GARRE1: variants seen among roughly 807,000 people sequenced by gnomAD.
GARRE1 encodes granule associated Rac and RHOG effector protein 1.
A neutral mutation model predicts 103.2 loss-of-function variants in GARRE1; 49 were observed. The observed-to-expected ratio is 0.47, with a 90% CI of 0.38 to 0.60. GARRE1 has a LOEUF of 0.60. GARRE1 is among the 20% of genes least tolerant of loss of function. The pLI is 0.00. For missense variants in GARRE1, 1,199 were observed against 1,370.5 expected (o/e 0.87, Z 1.98); for synonymous variants, 505 against 532.8 (o/e 0.95, Z 0.72).
chr19:34,339,376 C>T (rs1201909477), intron 8 of GARRE1, among the ~76,000 whole-genome samples: 2 of 152,192 alleles, frequency 1.3e-5, no homozygotes, highest in Non-Finnish European at 2.9e-5. Flanking sequence ...ATAGCAGATA[C>T]AGATTAACAG....
chr19:34,268,955 C>T (rs933678094), intron 1 of GARRE1, among the ~76,000 whole-genome samples: 1 of 152,200 alleles, frequency 6.6e-6, no homozygotes, highest in Non-Finnish European at 1.5e-5. Context: ...AGCCACCCCT[C>T]AAATGAAACA....
chr19:34,311,801 G>T (rs970967038), intron 2 of GARRE1, among the ~76,000 whole-genome samples: 1 of 151,748 alleles, frequency 6.6e-6, no homozygotes, highest in Middle Eastern at 3.4e-3. Flanking sequence ...AGTAGAGATG[G>T]GGTTTCACCA....
At chr19:34,338,730 T>A (rs1408139083) in intron 8 of GARRE1, among the ~76,000 whole-genome samples, 1 of 151,860 alleles carries the variant, frequency 6.6e-6, no homozygotes, top group Non-Finnish European at 1.5e-5. Flanking sequence ...TGGGACAAGG[T>A]TGAGGGGCTG....
chr19:34,265,686 C>T (rs1252290903), intron 1 of GARRE1: 1 of 152,102 alleles, frequency 6.6e-6, no homozygotes, highest in Admixed American at 6.6e-5. Flanking sequence ...AGTTTGTTTT[C>T]GACTAGTAGA....
intron 1 of GARRE1, among the ~76,000 whole-genome samples, chr19:34,259,974 T>C (rs932906248): frequency 6.6e-6 from 1 of 152,246 alleles, no homozygotes; most frequent in African/African-American, 2.4e-5. Flanking sequence ...TTGCTTCCCC[T>C]TCTGCCATGA....
At chr19:34,309,952 A>G (rs1193321652) in intron 2 of GARRE1, among the ~76,000 whole-genome samples, 1 of 152,202 alleles carries the variant, frequency 6.6e-6, no homozygotes, top group African/African-American at 2.4e-5. Context: ...ATGGGAACAG[A>G]GAAAAGACCG....
intron 1 of GARRE1, among the ~76,000 whole-genome samples, chr19:34,268,618 A>G (rs1161515052): frequency 5.3e-5 from 8 of 152,116 alleles, no homozygotes; most frequent in Non-Finnish European, 8.8e-5. Flanking sequence ...CATCAGGACC[A>G]AGTAATACTG....
In GARRE1 at chr19:34,300,987, C is replaced by A; in HGVS notation, c.495+19C>A. On this transcript the variant is annotated intron_variant, in intron 2 of 13. Transcript: ENST00000299505. ...CATTGAGGTAGAGTATCTTTTGTGTCATACTTGTGTAGGAAAATATACTAC... is the reference window on the plus strand; with the variant it reads ...CATTGAGGTAGAGTATCTTTTGTGTAATACTTGTGTAGGAAAATATACTAC... 2 of 1,580,966 alleles carry A rather than the reference C, an allele frequency of 1.3e-6. No individual in the cohort carries two copies. Among genetic ancestry groups the A allele is most frequent in the South Asian group, 1.1e-5 (1 of 88,956 alleles).
At chr19:34,322,810 A>G (rs2074095362) in intron 3 of GARRE1, among the ~76,000 whole-genome samples, 1 of 150,560 alleles carries the variant, frequency 6.6e-6, no homozygotes, top group Non-Finnish European at 1.5e-5. Flanking sequence ...ATGGTCTCAA[A>G]CTCCTGACCT....
chr19:34,309,791 A>G (rs2074028511), intron 2 of GARRE1, among the ~76,000 whole-genome samples: 1 of 152,214 alleles, frequency 6.6e-6, no homozygotes, highest in Non-Finnish European at 1.5e-5. Flanking sequence ...AAATAACTCC[A>G]TTTCATGGAG....
chr19:34,288,385 A>G (rs899668187), intron 1 of GARRE1, among the ~76,000 whole-genome samples: 13 of 152,148 alleles, frequency 8.5e-5, no homozygotes, highest in African/African-American at 3.1e-4. Flanking sequence ...TTCCATACAT[A>G]CAAGAAAGAA....
rs757950270 is a variant in GARRE1 at position 34,320,082 on chromosome 19, A to C, written c.671A>C (p.Glu224Ala). Residue 224 changes from glutamate to alanine, a missense_variant, in exon 3 of 14, where the codon GAG becomes GCG. Physicochemically the swap from Glu to Ala is moderately radical, Grantham distance 107. Transcript: ENST00000299505. ...GGCATGGGCCACACACCTGAAGTAG[A>C]GGAAGCTGTGCGGTCCTGGCGGGGG... ...LSGMGHTPEVEEAVRSWRGAA... is the reference protein window; with the variant it reads ...LSGMGHTPEVAEAVRSWRGAA... The C allele has an allele frequency of 1.2e-6, 2 of 1,614,238 alleles. No homozygotes were observed. The highest frequency in any genetic ancestry group is 4.5e-5 in the East Asian group (2 of 44,892).
Position 34,300,762 on chromosome 19 carries a change from C to T in GARRE1, c.289C>T (p.Leu97Phe), listed in dbSNP as rs1197707317. 1.2e-6 allele frequency: 2 copies of T among 1,614,120 alleles called. No individual in the cohort carries two copies. Among genetic ancestry groups the T allele is most frequent in the South Asian group, 1.1e-5 (1 of 91,094 alleles). ...CGTCTTCTGCCGTGCCAGTACTTTC[C>T]TCACAGATCTCTTCAGCACTGTGTT... ...LNVFCRASTFLTDLFSTVFRN... is the reference protein window; with the variant it reads ...LNVFCRASTFFTDLFSTVFRN... Residue 97 changes from leucine (L) to phenylalanine (F), a missense_variant, in exon 2 of 14, where the codon CTC (leucine) becomes TTC (phenylalanine). Transcript: ENST00000299505.
intron 2 of GARRE1, among the ~76,000 whole-genome samples, chr19:34,307,801 A>ATAT (rs1233249036): frequency 2.4e-4 from 31 of 126,622 alleles, no homozygotes; most frequent in Admixed American, 1.2e-3. Context: ...ATAAAAAAAA[A>ATAT]ATATATATAT....
Position 34,351,508 on chromosome 19 carries a change from T to C in GARRE1, c.2826-6T>C, listed in dbSNP as rs377318860. 4.3e-6 allele frequency: 7 copies of C among 1,612,946 alleles called. No homozygotes were observed. Among genetic ancestry groups the C allele is most frequent in the African/African-American group, 2.7e-5 (2 of 74,914 alleles). On this transcript the variant is annotated splice_polypyrimidine_tract_variant and splice_region_variant and intron_variant, in intron 12 of 13. Coordinates refer to ENST00000299505, the MANE Select transcript of GARRE1 (RefSeq NM_014686.5). Reference sequence around the variant, plus strand: ...AATCACTGCCCTGAGCTCTTGGTTCTTGCAGGAAACACAGCAGTGGAGAGC... The same window carrying C: ...AATCACTGCCCTGAGCTCTTGGTTCCTGCAGGAAACACAGCAGTGGAGAGC...
chr19:34,290,078 C>T (rs748496113), intron 1 of GARRE1, among the ~76,000 whole-genome samples: 2 of 151,888 alleles, frequency 1.3e-5, no homozygotes, highest in African/African-American at 2.4e-5. Flanking sequence ...ATGTAAGGAC[C>T]GGGCGCAGTG....
At chr19:34,276,504 C>A (rs1455519521) in intron 1 of GARRE1, among the ~76,000 whole-genome samples, 2 of 152,070 alleles carry the variant, frequency 1.3e-5, no homozygotes, top group Admixed American at 6.6e-5. Flanking sequence ...GTGGAAGATG[C>A]CATAAACAGA....
In GARRE1 at chr19:34,339,963, G is replaced by A. The variant is rs369367294; in HGVS notation, c.1458G>A (p.Val486=). The change falls in exon 9 of 14, where the codon GTG becomes GTA. Residue 486 remains valine, a synonymous_variant. Transcript: ENST00000299505. Reference sequence around the variant, plus strand: ...TAGTGGACGTGCTCTACACAGCTGTGCTGGACCTAAACCGCTGGAGGGCTG... The same window carrying A: ...TAGTGGACGTGCTCTACACAGCTGTACTGGACCTAAACCGCTGGAGGGCTG... The part of the protein sequence containing the change: ...LGLVDVLYTA[V]LDLNRWRAGR... 8.1e-5 allele frequency: 130 copies of A among 1,614,070 alleles called. No homozygotes were observed. The highest frequency in any genetic ancestry group is 1.0e-4 in the Non-Finnish European group (119 of 1,180,040).
chr19:34,295,200 A>G lies in GARRE1; in HGVS notation c.-795-4479A>G, dbSNP rs139988228. Among the ~76,000 whole-genome samples, 480 of 152,236 alleles carry G rather than the reference A, an allele frequency of 3.2e-3. 1 individual carries two copies. The highest frequency in any genetic ancestry group is 6.3e-3 in the Admixed American group (96 of 15,280). Reference sequence around the variant, plus strand: ...GTAACTGCCAGTCTTCTGGTCTTCAATGTGGATGCAGCTGGTAGTTTTCAA... The same window carrying G: ...GTAACTGCCAGTCTTCTGGTCTTCAGTGTGGATGCAGCTGGTAGTTTTCAA... On this transcript the variant is annotated intron_variant, in intron 1 of 13. Transcript: ENST00000299505.
Sources: gnomAD v4.1 joint callset for allele counts (sites outside exome capture counted in the v4.1 genomes callset) on GRCh38, gnomAD v4.1.1 for gene constraint, MANE v1.5 for transcripts, NCBI Gene and HGNC (gene_info 2026-07-23, HGNC 2026-07-21) for gene names.